MYRIP: variants seen among roughly 807,000 people sequenced by gnomAD.
The protein encoded by MYRIP is rab effector MyRIP.
Under a neutral mutation model 98.0 loss-of-function variants are expected in MYRIP, and 49 were observed. The observed-to-expected ratio is 0.50, with a 90% CI of 0.40 to 0.63. The LOEUF is 0.63. Ranked by LOEUF, MYRIP falls within the 30% of genes least tolerant of loss-of-function variation. The probability of loss-of-function intolerance (pLI) is 0.00; values close to 1 mark genes in which losing one functional copy is unlikely to be tolerated. For synonymous variants in MYRIP, 404 were observed against 409.5 expected (o/e 0.99, Z 0.16); for missense variants, 1,004 against 1,058.2 (o/e 0.95, Z 0.71).
chr3:39,951,821 C>T (rs1945024022), intron 2 of MYRIP, among the ~76,000 whole-genome samples: 2 of 152,096 alleles, frequency 1.3e-5, no homozygotes. Context: ...CTCTCATAGA[C>T]AGGGAAGAGG....
At chr3:40,253,495 A>C (rs1953460994) in intron 16 of MYRIP, among the ~76,000 whole-genome samples, 1 of 152,220 alleles carries the variant, frequency 6.6e-6, no homozygotes, top group Admixed American at 6.5e-5. Flanking sequence ...TAAAAACTCA[A>C]ACAAGCCTAC....
chr3:39,848,278 A>G (rs1942029760), intron 1 of MYRIP, among the ~76,000 whole-genome samples: 1 of 152,212 alleles, frequency 6.6e-6, no homozygotes, highest in African/African-American at 2.4e-5. Context: ...TTCATATGTC[A>G]TTGAATGATT....
In MYRIP at chr3:40,233,980, G is replaced by A. The variant is rs774900671; in HGVS notation, c.2027G>A (p.Arg676Lys). 10 of 1,613,538 alleles carry A rather than the reference G, an allele frequency of 6.2e-6. No homozygotes were observed. The highest frequency in any genetic ancestry group is 7.6e-6 in the Non-Finnish European group (9 of 1,179,798). The change falls in exon 12 of 17, where the codon AGA becomes AAA. Residue 676 changes from arginine (R) to lysine (K), a missense_variant. This residue lies in a region of MYRIP where 880 missense variants were observed against 907.7 expected (regional missense o/e 0.97). Transcript: ENST00000302541. Reference sequence around the variant, plus strand: ...GAGTCCCCACAAGTCCCTCCTGACAGACAGAAGGGGATGTTTCCTCGTGGG... The same window carrying A: ...GAGTCCCCACAAGTCCCTCCTGACAAACAGAAGGGGATGTTTCCTCGTGGG... ...PWESPQVPPD[R>K]QKGMFPRGTD...
chr3:40,146,635 G>A (rs568903072), intron 3 of MYRIP, among the ~76,000 whole-genome samples: 13 of 152,214 alleles, frequency 8.5e-5, no homozygotes, highest in African/African-American at 3.1e-4. Context: ...TGGCCCTGGA[G>A]CCCCTTCAGC....
chr3:39,835,430 C>T (rs1312720792), intron 1 of MYRIP, among the ~76,000 whole-genome samples: 1 of 151,992 alleles, frequency 6.6e-6, no homozygotes, highest in Non-Finnish European at 1.5e-5. Flanking sequence ...ATTTTTATCC[C>T]TCAATCTTGG....
At chr3:39,851,435 C>T (rs1942125981) in intron 1 of MYRIP, among the ~76,000 whole-genome samples, 1 of 152,114 alleles carries the variant, frequency 6.6e-6, no homozygotes, top group Admixed American at 6.5e-5. Context: ...CCTTGCCCCA[C>T]TCCCACACTC....
chr3:39,914,306 A>G (rs1285796733), intron 2 of MYRIP, among the ~76,000 whole-genome samples: 1 of 152,210 alleles, frequency 6.6e-6, no homozygotes, highest in Non-Finnish European at 1.5e-5. Context: ...TACAGACAGC[A>G]GAGATGCTTT....
At chr3:40,188,352 G>A (rs1320605368) in intron 9 of MYRIP, among the ~76,000 whole-genome samples, 13 of 152,162 alleles carry the variant, frequency 8.5e-5, no homozygotes, top group African/African-American at 3.1e-4. Context: ...CTGCAGCAGG[G>A]CTGTGGCTGC....
At chr3:39,947,919 A>G (rs1041460237) in intron 2 of MYRIP, among the ~76,000 whole-genome samples, 1 of 152,218 alleles carries the variant, frequency 6.6e-6, no homozygotes, top group Non-Finnish European at 1.5e-5. Context: ...GGCTCCACAC[A>G]GTAATCACTT....
At chr3:39,965,708 T>C (rs1352504963) in intron 2 of MYRIP, among the ~76,000 whole-genome samples, 1 of 152,096 alleles carries the variant, frequency 6.6e-6, no homozygotes, top group Non-Finnish European at 1.5e-5. Context: ...GTTGGGATTA[T>C]CTAGGATAAG....
intron 10 of MYRIP, among the ~76,000 whole-genome samples, chr3:40,202,738 C>T (rs1311659771): frequency 2.0e-5 from 3 of 151,956 alleles, no homozygotes; most frequent in African/African-American, 7.3e-5. Context: ...GTGCACTCAG[C>T]CTTTGTCTTC....
At chr3:39,839,698 G>A (rs887096565) in intron 1 of MYRIP, among the ~76,000 whole-genome samples, 12 of 152,072 alleles carry the variant, frequency 7.9e-5, no homozygotes, top group African/African-American at 2.7e-4. Context: ...GTTCTCATTG[G>A]TTGCAAAGAA....
intron 1 of MYRIP, among the ~76,000 whole-genome samples, chr3:39,832,837 T>C (rs1941491815): frequency 6.6e-6 from 1 of 152,226 alleles, no homozygotes; most frequent in Non-Finnish European, 1.5e-5. Context: ...TTTAGGAATA[T>C]GTATCTTTAT....
At chr3:39,896,691 G>A (rs12489300) in intron 1 of MYRIP, among the ~76,000 whole-genome samples, 34,628 of 151,984 alleles carry the variant, frequency 0.23, 4,050 homozygotes, top group Middle Eastern at 0.27. Context: ...TTTATATCAG[G>A]TGCATTATCA....
chr3:40,029,904 T>A (rs915851790), intron 2 of MYRIP, among the ~76,000 whole-genome samples: 2 of 151,762 alleles, frequency 1.3e-5, no homozygotes, highest in African/African-American at 2.4e-5. Context: ...TACAAAAAAA[T>A]TATTTAAAAA....
chr3:39,853,398 C>T (rs185061697), intron 1 of MYRIP, among the ~76,000 whole-genome samples: 18 of 152,268 alleles, frequency 1.2e-4, no homozygotes, highest in Admixed American at 9.8e-4. Flanking sequence ...TTCCTTTTCA[C>T]CACATCCATG....
intron 4 of MYRIP, among the ~76,000 whole-genome samples, chr3:40,162,237 A>G (rs1412529732): frequency 6.6e-6 from 1 of 152,148 alleles, no homozygotes; most frequent in Non-Finnish European, 1.5e-5. Context: ...AATTTCCCAC[A>G]TGAGAGTCTC....
chr3:40,034,320 T>C (rs1947328766), intron 2 of MYRIP, among the ~76,000 whole-genome samples: 1 of 152,000 alleles, frequency 6.6e-6, no homozygotes, highest in African/African-American at 2.4e-5. Context: ...TGCAACCTAC[T>C]CATCTGACAA....
chr3:40,035,654 A>G (rs1223913065), intron 2 of MYRIP, among the ~76,000 whole-genome samples: 1 of 152,036 alleles, frequency 6.6e-6, no homozygotes, highest in Non-Finnish European at 1.5e-5. Context: ...CCAAGGAGAA[A>G]AGGACAGGCA....
Sources: gnomAD v4.1 joint callset for allele counts (sites outside exome capture counted in the v4.1 genomes callset) on GRCh38, gnomAD v4.1.1 for gene constraint, gnomAD v4.1.1 regional missense constraint, MANE v1.5 for transcripts, NCBI Gene and HGNC (gene_info 2026-07-23, HGNC 2026-07-21) for gene names.